BBS9: variants seen among roughly 807,000 people sequenced by gnomAD.
BBS9 encodes the protein protein PTHB1.
Under a neutral mutation model 117.7 loss-of-function variants are expected in BBS9, and 89 were observed. That is an observed-to-expected ratio of 0.76 (90% CI 0.64 to 0.90). The LOEUF (loss-of-function observed/expected upper bound fraction) is 0.90. Among genes scored for constraint, BBS9 ranks in the 40% least tolerant of loss-of-function variants. The pLI is 0.00. For missense variants in BBS9, 982 were observed against 1,042.2 expected (o/e 0.94, Z 0.80); for synonymous variants, 379 against 370.9 (o/e 1.02, Z -0.25).
At chr7:33,350,911 C>T (rs1818526075) in intron 13 of BBS9, among the ~76,000 whole-genome samples, 1 of 152,198 alleles carries the variant, frequency 6.6e-6, no homozygotes. Flanking sequence ...CTAGGCTGGT[C>T]TTGAACTTCT....
intron 19 of BBS9, among the ~76,000 whole-genome samples, chr7:33,498,124 A>T: frequency 6.6e-6 from 1 of 152,180 alleles, no homozygotes; most frequent in South Asian, 2.1e-4. Flanking sequence ...TCTACAACTA[A>T]TAAGTAGCAT....
chr7:33,276,577 T>C (rs984938091), intron 9 of BBS9, among the ~76,000 whole-genome samples: 2 of 152,244 alleles, frequency 1.3e-5, no homozygotes, highest in African/African-American at 4.8e-5. Context: ...GTTGGAATAG[T>C]AGCTGGTGTT....
At chr7:33,299,956 T>C (rs947005956) in intron 9 of BBS9, among the ~76,000 whole-genome samples, 5 of 152,146 alleles carry the variant, frequency 3.3e-5, no homozygotes, top group African/African-American at 1.2e-4. Context: ...AGCAAATAGA[T>C]GTTCACTCAA....
intron 21 of BBS9, among the ~76,000 whole-genome samples, chr7:33,550,194 C>A (rs192502344): frequency 5.3e-5 from 8 of 152,234 alleles, no homozygotes; most frequent in Admixed American, 4.6e-4. Context: ...CCAGTATCTG[C>A]TCGCTCTCTG....
At chr7:33,512,818 A>G (rs138741968) in intron 20 of BBS9, among the ~76,000 whole-genome samples, 4 of 152,256 alleles carry the variant, frequency 2.6e-5, no homozygotes, top group Non-Finnish European at 5.9e-5. Context: ...TGTTCAGTTC[A>G]TCTCCCTGGC....
chr7:33,478,739 A>G (rs1031253559), intron 19 of BBS9, among the ~76,000 whole-genome samples: 6 of 152,142 alleles, frequency 3.9e-5, no homozygotes, highest in African/African-American at 1.2e-4. Flanking sequence ...AAATCAGAAC[A>G]TAACTCATTA....
At chr7:33,545,085 G>T (rs534720144) in intron 21 of BBS9, among the ~76,000 whole-genome samples, 9 of 152,262 alleles carry the variant, frequency 5.9e-5, no homozygotes, top group African/African-American at 2.2e-4. Flanking sequence ...GGCAGAGGGC[G>T]AGATGAGCTT....
chr7:33,398,787 A>G (rs1399100764), intron 19 of BBS9, among the ~76,000 whole-genome samples: 1 of 152,166 alleles, frequency 6.6e-6, no homozygotes, highest in African/African-American at 2.4e-5. Flanking sequence ...CACCCAGGCT[A>G]GAGTACGGTG....
At chr7:33,417,554 C>A (rs1292364354) in intron 19 of BBS9, among the ~76,000 whole-genome samples, 1 of 152,162 alleles carries the variant, frequency 6.6e-6, no homozygotes, top group Non-Finnish European at 1.5e-5. Flanking sequence ...TTTGTAGTGA[C>A]TACCGAAAAT....
chr7:33,618,014 A>G (rs1438834852), intron 21 of BBS9, among the ~76,000 whole-genome samples: 1 of 152,282 alleles, frequency 6.6e-6, no homozygotes, highest in East Asian at 1.9e-4. Context: ...CTACCTTACA[A>G]GAAATGTTAA....
At chr7:33,225,239 G>A (rs146260038) in intron 5 of BBS9, among the ~76,000 whole-genome samples, 186 of 152,128 alleles carry the variant, frequency 1.2e-3, no homozygotes, top group Middle Eastern at 3.4e-3. Context: ...ACTCTTTTGC[G>A]CAGGCTTGAA....
At chr7:33,140,949 T>G (rs1220592404) in intron 1 of BBS9, among the ~76,000 whole-genome samples, 1 of 152,262 alleles carries the variant, frequency 6.6e-6, no homozygotes, top group Non-Finnish European at 1.5e-5. Flanking sequence ...ATTTTCTTTC[T>G]TTTTTCTCCT....
At chr7:33,625,895 A>G (rs1865615060) in intron 21 of BBS9, among the ~76,000 whole-genome samples, 1 of 152,232 alleles carries the variant, frequency 6.6e-6, no homozygotes, top group Non-Finnish European at 1.5e-5. Flanking sequence ...AAGTTGTCAC[A>G]CTAAATTATA....
chr7:33,597,069 TCACACACACACACACA>T (rs58511454), intron 21 of BBS9, among the ~76,000 whole-genome samples: 54 of 138,940 alleles, frequency 3.9e-4, no homozygotes, highest in Admixed American at 7.4e-4. Flanking sequence ...TCTCTCTCTG[TCACACACACACACACA>T]CACACACACA....
rs756029531 is a variant in BBS9, at chr7:33,502,066, T to C, written c.2116-3397T>C. ...CTGGGATTACAGGCACGTGCCACCATGCCCAGCTACTTTTTGTATTTTTAG... is the reference window on the plus strand; with the variant it reads ...CTGGGATTACAGGCACGTGCCACCACGCCCAGCTACTTTTTGTATTTTTAG... On this transcript the variant is annotated intron_variant, in intron 19 of 22. Coordinates refer to ENST00000242067, the MANE Select transcript of BBS9 (RefSeq NM_198428.3). Among the ~76,000 whole-genome samples the C allele has an allele frequency of 6.6e-5, 10 of 152,070 alleles. No individual in the cohort carries two copies. In the East Asian group the frequency reaches 9.7e-4, roughly 15 times the overall value.
At chr7:33,435,358 G>A (rs1835144063) in intron 19 of BBS9, among the ~76,000 whole-genome samples, 1 of 152,124 alleles carries the variant, frequency 6.6e-6, no homozygotes, top group Non-Finnish European at 1.5e-5. Context: ...TTAAATCTTT[G>A]ATACTTTGTG....
At chr7:33,259,272 C>T (rs941840817) in intron 6 of BBS9, among the ~76,000 whole-genome samples, 2 of 152,098 alleles carry the variant, frequency 1.3e-5, no homozygotes, top group Non-Finnish European at 2.9e-5. Context: ...CCTTTAGTTT[C>T]TTTAAACCCT....
At chr7:33,143,700 G>A (rs892219576) in intron 1 of BBS9, among the ~76,000 whole-genome samples, 4 of 151,704 alleles carry the variant, frequency 2.6e-5, no homozygotes, top group African/African-American at 9.7e-5. Flanking sequence ...TGAGTGGCTG[G>A]GATTACAGGT....
At chr7:33,481,218 A>C (rs2128974693) in intron 19 of BBS9, among the ~76,000 whole-genome samples, 1 of 152,306 alleles carries the variant, frequency 6.6e-6, no homozygotes, top group African/African-American at 2.4e-5. Flanking sequence ...AATGTATGGT[A>C]GTGGGAATAC....
Sources: gnomAD v4.1 joint callset for allele counts (sites outside exome capture counted in the v4.1 genomes callset) on GRCh38, gnomAD v4.1.1 for gene constraint, MANE v1.5 for transcripts, NCBI Gene and HGNC (gene_info 2026-07-23, HGNC 2026-07-21) for gene names.